The following SUPT16H variants were observed in gnomAD, a reference collection of about 807,000 sequenced individuals.
The protein encoded by SUPT16H is FACT complex subunit SPT16.
SUPT16H carries 24 observed loss-of-function variants against 136.2 expected under a neutral mutation model. The observed-to-expected ratio is 0.18, with a 90% CI of 0.13 to 0.25. SUPT16H has a LOEUF of 0.25. Ranked by LOEUF, SUPT16H falls within the 10% of genes least tolerant of loss-of-function variation. The probability of loss-of-function intolerance (pLI) is 1.00; values close to 1 mark genes in which losing one functional copy is unlikely to be tolerated. For missense variants in SUPT16H, 623 were observed against 1,270.2 expected, an observed-to-expected ratio of 0.49 and a Z score of 7.74; for synonymous variants, 415 against 428.2, an observed-to-expected ratio of 0.97 and a Z score of 0.38.
In SUPT16H at chr14:21,360,841, C is replaced by A; in HGVS notation, c.2056+5G>T. 6.2e-7 allele frequency: 1 copy of A among 1,613,142 alleles called. No homozygotes were observed. On this transcript the variant is annotated splice_donor_5th_base_variant and intron_variant, in intron 17 of 25. Transcript: ENST00000216297. ...AAGCCTAGGTACAGGAGAGATCATC[C>A]ATACCATTGACATGGGCCTCCAGTG...
At chr14:21,356,345 G>A (rs1047188459) in intron 22 of SUPT16H, among the ~76,000 whole-genome samples, 3 of 152,178 alleles carry the variant, frequency 2.0e-5, no homozygotes, top group Non-Finnish European at 4.4e-5. Flanking sequence ...GTGTTCCAGT[G>A]GATTTATTTC....
chr14:21,372,148 A>G, intron 2 of SUPT16H, 104 bp from the exon 3 acceptor site: 1 of 1,302,224 alleles, frequency 7.7e-7, no homozygotes, highest in South Asian at 1.6e-5. Context: ...CATGTCTGAA[A>G]TTAACTCCAA....
intron 15 of SUPT16H, 28 bp from the exon 16 acceptor site, chr14:21,361,241 C>A: frequency 6.2e-7 from 1 of 1,601,194 alleles, no homozygotes; most frequent in Non-Finnish European, 8.5e-7. Context: ...CATTTATAGA[C>A]ATTTCTTTTT....
At position 21,352,510 on chromosome 14, in the gene SUPT16H, A is replaced by C. The variant is rs11554578; in HGVS notation, c.*163T>G. On this transcript the variant is annotated 3_prime_UTR_variant, in exon 26 of 26. Coordinates refer to ENST00000216297, the MANE Select transcript of SUPT16H (RefSeq NM_007192.4). Reference sequence around the variant, plus strand: ...TTGGCACGTGTCCTGGTGGGCCTGGAATTCCCCGAGTAGATTGGTCCACAC... The same window carrying C: ...TTGGCACGTGTCCTGGTGGGCCTGGCATTCCCCGAGTAGATTGGTCCACAC... The C allele has an allele frequency of 0.036, 41,393 of 1,162,278 alleles. 1,620 individuals carry two copies. The highest frequency in any genetic ancestry group is 0.2 in the Admixed American group (8,792 of 44,224). 72.0% of individuals were successfully genotyped at this position (1,162,278 alleles called of 1,614,324 possible). A position where few individuals can be genotyped will look rare whatever the true frequency, so the allele number is the denominator to read the frequency against.
intron 1 of SUPT16H, 133 bp downstream of exon 1, chr14:21,383,729 C>A (rs1887101373): frequency 1.0e-6 from 1 of 1,000,762 alleles, no homozygotes; most frequent in Non-Finnish European, 1.6e-6. Context: ...GTGAATGATT[C>A]GGGAGCAACG....
At chr14:21,382,371 T>A (rs1292702769) in intron 1 of SUPT16H, among the ~76,000 whole-genome samples, 3 of 152,186 alleles carry the variant, frequency 2.0e-5, no homozygotes, top group African/African-American at 7.2e-5. Flanking sequence ...GGGTGGGAAA[T>A]AACTTTCATG....
intron 1 of SUPT16H, among the ~76,000 whole-genome samples, chr14:21,380,293 T>G (rs1320322929): frequency 4.0e-5 from 5 of 126,046 alleles, no homozygotes; most frequent in Non-Finnish European, 8.5e-5. Context: ...GATGGAAGAC[T>G]GAATTTTTTT....
chr14:21,372,336 A>G (rs1184414684), intron 2 of SUPT16H: 6 of 353,402 alleles, frequency 1.7e-5, no homozygotes, highest in Non-Finnish European at 3.1e-5. Flanking sequence ...TATAGGAAGT[A>G]TATCAATGTT....
intron 1 of SUPT16H, chr14:21,383,566 G>A (rs570627094): frequency 8.7e-5 from 60 of 691,064 alleles, no homozygotes; most frequent in Middle Eastern, 3.0e-4. Flanking sequence ...GGAGTAGGAG[G>A]GAAGGATGTT....
chr14:21,356,989 G>C (rs1430679452), intron 22 of SUPT16H, among the ~76,000 whole-genome samples: 1 of 152,316 alleles, frequency 6.6e-6, no homozygotes, highest in Non-Finnish European at 1.5e-5. Flanking sequence ...TTTGTGTTAA[G>C]TATGCACAAG....
intron 19 of SUPT16H, among the ~76,000 whole-genome samples, chr14:21,359,251 C>T (rs932159279): frequency 2.0e-5 from 3 of 152,120 alleles, no homozygotes; most frequent in Admixed American, 1.3e-4. Flanking sequence ...CCACCCACCA[C>T]GCCCAGCTAA....
intron 21 of SUPT16H, 122 bp downstream of exon 21, chr14:21,357,805 A>G: frequency 2.0e-6 from 2 of 980,994 alleles, no homozygotes; most frequent in Admixed American, 4.9e-5. Flanking sequence ...ACATTTGTTC[A>G]ATGAGTTTTA....
At chr14:21,380,486 C>T (rs535842855) in intron 1 of SUPT16H, among the ~76,000 whole-genome samples, 1 of 151,968 alleles carries the variant, frequency 6.6e-6, no homozygotes, top group Non-Finnish European at 1.5e-5. Flanking sequence ...CTTAATAGAA[C>T]AACCCAGAAC....
At chr14:21,369,420 CTA>C (rs1886739953) in intron 5 of SUPT16H, 65 bp from the exon 6 acceptor site, 11 of 1,587,194 alleles carry the variant, frequency 6.9e-6, no homozygotes, top group South Asian at 6.8e-5. Flanking sequence ...TGTGTGGACA[CTA>C]TGATTTGAAG....
In SUPT16H at chr14:21,352,523, G is replaced by T; in HGVS notation, c.*150C>A. On this transcript the variant is annotated 3_prime_UTR_variant, in exon 26 of 26. Coordinates refer to ENST00000216297, the MANE Select transcript of SUPT16H (RefSeq NM_007192.4). ...TGGTGGGCCTGGAATTCCCCGAGTA[G>T]ATTGGTCCACACAAATGGCCCCCTA... 7.9e-7 allele frequency: 1 copy of T among 1,267,372 alleles called. No individual in the cohort carries two copies. Among genetic ancestry groups the T allele is most frequent in the Non-Finnish European group, 1.1e-6 (1 of 914,670 alleles). 78.5% of individuals were successfully genotyped at this position (1,267,372 alleles called of 1,614,324 possible). A position where few individuals can be genotyped will look rare whatever the true frequency, so the allele number is the denominator to read the frequency against.
chr14:21,367,289 TAATAA>T (rs1319652269), intron 7 of SUPT16H, among the ~76,000 whole-genome samples: 5 of 152,178 alleles, frequency 3.3e-5, no homozygotes, highest in African/African-American at 1.2e-4. Flanking sequence ...ACAGTGGTCT[TAATAA>T]AATACTTTAA....
rs1415988028 is a variant in SUPT16H at position 21,373,428 on chromosome 14, T to A, written c.69A>T (p.Lys23Asn). 6.2e-7 allele frequency: 1 copy of A among 1,612,600 alleles called. No individual in the cohort carries two copies. Among genetic ancestry groups the A allele is most frequent in the East Asian group, 2.2e-5 (1 of 44,866 alleles). ...RVKRLYSNWR[K>N]GEDEYANVDA... ...CAACGTTGGCATACTCATCTTCTCC[T>A]TTCTGAAAAGAGTGGGTAATCATCA... Residue 23 changes from lysine (K) to asparagine (N), a missense_variant and splice_region_variant, in exon 2 of 26, where the codon AAA (lysine) becomes AAT (asparagine). By Grantham distance (94) the Lys-to-Asn change is moderately conservative (BLOSUM62 0). Transcript: ENST00000216297.
chr14:21,368,169 T>A, intron 7 of SUPT16H, 100 bp downstream of exon 7: 1 of 1,249,540 alleles, frequency 8.0e-7, no homozygotes, highest in Non-Finnish European at 1.1e-6. Flanking sequence ...TCCTCCTGCC[T>A]CGGCCTCCCA....
rs1334479908 is a variant in SUPT16H, at chr14:21,351,725, T to C, written c.*948A>G. ...ACTTGAAAAGCTGTTCAACAGAAAC[T>C]GTGATAAATACAGGACAATGCAAGA... On this transcript the variant is annotated 3_prime_UTR_variant, in exon 26 of 26. Coordinates refer to ENST00000216297, the MANE Select transcript of SUPT16H (RefSeq NM_007192.4). 3 of 154,464 alleles carry C rather than the reference T, an allele frequency of 1.9e-5. No homozygotes were observed. The highest frequency in any genetic ancestry group is 1.4e-5 in the Non-Finnish European group (1 of 69,228). 9.6% of individuals were successfully genotyped at this position (154,464 alleles called of 1,614,324 possible).
Sources: gnomAD v4.1 joint callset for allele counts (sites outside exome capture counted in the v4.1 genomes callset) on GRCh38, gnomAD v4.1.1 for gene constraint, MANE v1.5 for transcripts, NCBI Gene and HGNC (gene_info 2026-07-23, HGNC 2026-07-21) for gene names.